Variants in BZW1 observed in about 807,000 individuals in gnomAD.
The protein encoded by BZW1 is basic leucine zipper and W2 domains 1.
A neutral mutation model predicts 54.1 loss-of-function variants in BZW1; 3 were observed. The observed-to-expected ratio is 0.06, with a 90% confidence interval of 0.03 to 0.14. BZW1 has a LOEUF of 0.14. Among genes scored for constraint, BZW1 ranks in the 10% least tolerant of loss-of-function variants. The probability of loss-of-function intolerance (pLI) is 1.00; values close to 1 mark genes in which losing one functional copy is unlikely to be tolerated. For missense variants in BZW1, 206 were observed against 491.7 expected (o/e 0.42, Z 5.50); for synonymous variants, 152 against 162.7 (o/e 0.93, Z 0.50).
In BZW1 at chr2:200,826,280, C is replaced by CT. The variant is rs1429177703; in HGVS notation, c.*4103dup. 1 of 151,686 alleles carries CT rather than the reference C, an allele frequency of 6.6e-6. No individual in the cohort carries two copies. The highest frequency in any genetic ancestry group is 2.4e-5 in the African/African-American group (1 of 41,252). 9.4% of individuals were successfully genotyped at this position (151,686 alleles called of 1,614,324 possible). A position where few individuals can be genotyped will look rare whatever the true frequency, so the allele number is the denominator to read the frequency against. On this transcript the variant is annotated 3_prime_UTR_variant, in exon 12 of 12. Coordinates refer to ENST00000409600, the MANE Select transcript of BZW1 (RefSeq NM_001207067.2). ...GAGGCAATTAACAGTCATTTCAAAT[C>CT]TAATTATTTTTATTTTCCAGTGTAC...
rs1365386468 is a variant in BZW1, at chr2:200,818,285, C to T, written c.711C>T (p.Gly237=). The change falls in exon 8 of 12, where the codon GGC becomes GGT. Residue 237 remains glycine (G), a synonymous_variant. Coordinates refer to ENST00000409600, the MANE Select transcript of BZW1 (RefSeq NM_001207067.2). ...TCACAAAATATTTTACTGAGGCAGG[C>T]TTGAAAGAGCTTTCAGAATATGTTC... The part of the protein sequence containing the change: ...EHFTKYFTEA[G]LKELSEYVRN... 6 of 1,610,594 alleles carry T rather than the reference C, an allele frequency of 3.7e-6. No homozygotes were observed. The highest frequency in any genetic ancestry group is 5.1e-6 in the Non-Finnish European group (6 of 1,178,684).
intron 2 of BZW1, 79 bp from the exon 3 acceptor site, chr2:200,815,262 C>G: frequency 7.4e-7 from 1 of 1,358,418 alleles, no homozygotes. Context: ...TTAACAATTG[C>G]ATCTTCATAA....
At chr2:200,818,660 G>T in intron 8 of BZW1, 95 bp from the exon 9 acceptor site, 1 of 1,368,246 alleles carries the variant, frequency 7.3e-7, no homozygotes, top group Non-Finnish European at 9.9e-7. Flanking sequence ...CATGGAAAAG[G>T]AGTTGTTAGT....
At chr2:200,821,482 C>T (rs879162751) in intron 11 of BZW1, among the ~76,000 whole-genome samples, 177 bp downstream of exon 11, 1 of 151,702 alleles carries the variant, frequency 6.6e-6, no homozygotes, top group Admixed American at 6.6e-5. Flanking sequence ...TATGGCTCAG[C>T]CATAATAGTA....
At chr2:200,819,287 G>T (rs1262400737) in intron 9 of BZW1, among the ~76,000 whole-genome samples, 1 of 152,162 alleles carries the variant, frequency 6.6e-6, no homozygotes, top group Admixed American at 6.5e-5. Flanking sequence ...CTACTCAGGA[G>T]GCTGAGGCAG....
At chr2:200,818,136 A>G in intron 7 of BZW1, 53 bp downstream of exon 7, 1 of 1,513,010 alleles carries the variant, frequency 6.6e-7, no homozygotes, top group Non-Finnish European at 8.9e-7. Flanking sequence ...TAAATGAGAG[A>G]AATTTCTCAT....
intron 10 of BZW1, among the ~76,000 whole-genome samples, chr2:200,820,950 A>G (rs1325319692): frequency 2.0e-5 from 3 of 152,220 alleles, no homozygotes; most frequent in African/African-American, 4.8e-5. Flanking sequence ...CTGTTGGGAG[A>G]AAATCCATTG....
In BZW1 at chr2:200,826,238, T is replaced by G. The variant is rs1178107341; in HGVS notation, c.*4060T>G. ...TTCTGACTCCTTTCTCTTCACTTTT[T>G]TCTCCCAGCTTAACTAGAGGCAATT... On this transcript the variant is annotated 3_prime_UTR_variant, in exon 12 of 12. Transcript: ENST00000409600. 1 of 152,138 alleles carries G rather than the reference T, an allele frequency of 6.6e-6. No individual in the cohort carries two copies. Among genetic ancestry groups the G allele is most frequent in the Non-Finnish European group, 1.5e-5 (1 of 68,030 alleles). 9.4% of individuals were successfully genotyped at this position (152,138 alleles called of 1,614,324 possible).
rs1176923492 is a variant in BZW1, at chr2:200,822,380, G to T, written c.*202G>T. 1 of 475,684 alleles carries T rather than the reference G, an allele frequency of 2.1e-6. No homozygotes were observed. Among genetic ancestry groups the T allele is most frequent in the East Asian group, 3.5e-5 (1 of 28,536 alleles). The allele number at this position is 475,684 out of a possible 1,614,324, so 29.5% of individuals were successfully genotyped here. Reference sequence around the variant, plus strand: ...TAAAACCATGTTTTAAGTAGCTACAGGAGCTATAGATTTGAATCTAATGTT... The same window carrying T: ...TAAAACCATGTTTTAAGTAGCTACATGAGCTATAGATTTGAATCTAATGTT... On this transcript the variant is annotated 3_prime_UTR_variant, in exon 12 of 12. Coordinates refer to ENST00000409600, the MANE Select transcript of BZW1 (RefSeq NM_001207067.2).
At chr2:200,811,902 CT>C (rs1444578840), upstream of BZW1, 1 of 217,590 alleles carries the variant, frequency 4.6e-6, no homozygotes, top group Non-Finnish European at 9.0e-6. Context: ...CTCCCTCCTC[CT>C]GGCGTTAGTT....
At position 200,824,219 on chromosome 2, in the gene BZW1, T is replaced by C. The variant is rs1231144948; in HGVS notation, c.*2041T>C. ...GTAATAGTGTAAAGAAAGGGAATGC[T>C]TTATAAAAAGATTGCAGATTCCATT... On this transcript the variant is annotated 3_prime_UTR_variant, in exon 12 of 12. Transcript: ENST00000409600. 1 of 152,186 alleles carries C rather than the reference T, an allele frequency of 6.6e-6. No individual in the cohort carries two copies. The highest frequency in any genetic ancestry group is 1.9e-4 in the East Asian group (1 of 5,202). 9.4% of individuals were successfully genotyped at this position (152,186 alleles called of 1,614,324 possible). A position where few individuals can be genotyped will look rare whatever the true frequency, so the allele number is the denominator to read the frequency against.
chr2:200,819,035 A>G, intron 9 of BZW1, 134 bp downstream of exon 9: 1 of 1,006,454 alleles, frequency 9.9e-7, no homozygotes, highest in Non-Finnish European at 1.4e-6. Flanking sequence ...AAATAAACAA[A>G]TAGTAACATT....
intron 1 of BZW1, chr2:200,812,474 C>A: frequency 7.5e-7 from 1 of 1,334,274 alleles, no homozygotes; most frequent in Non-Finnish European, 9.6e-7. Context: ...GTTGCGGCGG[C>A]CGCCACCGCA....
intron 1 of BZW1, 87 bp from the exon 2 acceptor site, chr2:200,813,121 C>A: frequency 1.8e-6 from 2 of 1,111,908 alleles, no homozygotes; most frequent in Non-Finnish European, 2.7e-6. Context: ...CCATTTGATT[C>A]ATATGTGACT....
At position 200,818,210 on chromosome 2, in the gene BZW1, ATTC is replaced by A. The variant is rs2038365056; in HGVS notation, c.649-7_649-5del. The A allele has an allele frequency of 2.6e-6, 4 of 1,552,056 alleles. No individual in the cohort carries two copies. Among genetic ancestry groups the A allele is most frequent in the East Asian group, 2.3e-5 (1 of 43,298 alleles). ...ATTTAAAGAAAGTTTAACCAGATAA[ATTC>A]TTCTTTTAGGAACTCTTTCCTGCCA... is the stretch of plus-strand genomic sequence containing the variant. On this transcript the variant is annotated splice_polypyrimidine_tract_variant and intron_variant, in intron 7 of 11. Coordinates refer to ENST00000409600, the MANE Select transcript of BZW1 (RefSeq NM_001207067.2).
chr2:200,818,684 C>T (rs377109036), intron 8 of BZW1, 71 bp from the exon 9 acceptor site: 1 of 1,499,406 alleles, frequency 6.7e-7, no homozygotes, highest in Non-Finnish European at 8.9e-7. Flanking sequence ...TGTTAAAGGT[C>T]TAAACTTGAT....
rs771659508 is a variant in BZW1 at position 200,826,270 on chromosome 2, CAT to C, written c.*4093_*4094del. ...AGCTTAACTAGAGGCAATTAACAGT[CAT>C]TTCAAATCTAATTATTTTTATTTTC... On this transcript the variant is annotated 3_prime_UTR_variant, in exon 12 of 12. Coordinates refer to ENST00000409600, the MANE Select transcript of BZW1 (RefSeq NM_001207067.2). 12 of 152,016 alleles carry C rather than the reference CAT, an allele frequency of 7.9e-5. No homozygotes were observed. Among genetic ancestry groups the C allele is most frequent in the Non-Finnish European group, 1.8e-4 (12 of 68,026 alleles). The allele number at this position is 152,016 out of a possible 1,614,324, so 9.4% of individuals were successfully genotyped here.
At chr2:200,816,543 G>A (rs750500791) in intron 5 of BZW1, among the ~76,000 whole-genome samples, 153 bp downstream of exon 5, 1 of 152,318 alleles carries the variant, frequency 6.6e-6, no homozygotes, top group African/African-American at 2.4e-5. Context: ...CAGGCTGGGG[G>A]TGCAGTGGCT....
At chr2:200,818,130 T>A in intron 7 of BZW1, 47 bp downstream of exon 7, 1 of 1,515,598 alleles carries the variant, frequency 6.6e-7, no homozygotes, top group Non-Finnish European at 8.9e-7. Context: ...AGGATGTAAA[T>A]GAGAGAAATT....
Sources: gnomAD v4.1 joint callset for allele counts (sites outside exome capture counted in the v4.1 genomes callset) on GRCh38, gnomAD v4.1.1 for gene constraint, MANE v1.5 for transcripts, NCBI Gene and HGNC (gene_info 2026-07-23, HGNC 2026-07-21) for gene names.